DNAH7: variants seen among roughly 807,000 people sequenced by gnomAD.
DNAH7 encodes the protein dynein axonemal heavy chain 7.
A neutral mutation model predicts 444.6 loss-of-function variants in DNAH7; 397 were observed. The ratio of observed to expected loss-of-function variants is 0.89; its 90% CI spans 0.82 to 0.97. DNAH7 has a LOEUF of 0.97. Among genes scored for constraint, DNAH7 ranks in the 50% least tolerant of loss-of-function variants. The pLI is 0.00. For missense variants in DNAH7, 4,902 were observed against 4,800.8 expected (o/e 1.02, Z -0.62); for synonymous variants, 1,636 against 1,624.4 (o/e 1.01, Z -0.17).
chr2:195,824,149 C>T, intron 49 of DNAH7, 106 bp downstream of exon 49: 1 of 1,088,220 alleles, frequency 9.2e-7, no homozygotes, highest in South Asian at 2.3e-5. Flanking sequence ...CAAAATAAGG[C>T]AAAATCCGTT....
intron 21 of DNAH7, among the ~76,000 whole-genome samples, chr2:195,931,964 T>G (rs1328996440): frequency 1.3e-5 from 2 of 152,196 alleles, no homozygotes; most frequent in East Asian, 1.9e-4. Context: ...GTGAAGAAAG[T>G]CATTGGTACT....
At chr2:195,770,926 A>G (rs1694806426) in intron 61 of DNAH7, among the ~76,000 whole-genome samples, 1 of 151,412 alleles carries the variant, frequency 6.6e-6, no homozygotes. Flanking sequence ...AAGTTCTCAA[A>G]CTCAAGCAGT....
At position 195,876,629 on chromosome 2, in the gene DNAH7, G is replaced by A. The variant is rs754475307; in HGVS notation, c.6032C>T (p.Thr2011Ile). 6.2e-7 allele frequency: 1 copy of A among 1,613,134 alleles called. No homozygotes were observed. The highest frequency in any genetic ancestry group is 8.5e-7 in the Non-Finnish European group (1 of 1,179,248). ...PLLINFSAQT[T>I]AAQTQNIVMS... ...GACAATATTCTGAGTTTGAGCTGCT[G>A]TAGTTTGTGCTGAGAAGTTAATTAG... is the stretch of plus-strand genomic sequence containing the variant. The change falls in exon 37 of 65, where the codon ACA (threonine) becomes ATA (isoleucine). Residue 2011 changes from threonine to isoleucine, a missense_variant. Transcript: ENST00000312428.
rs1460367041 is a variant in DNAH7 at position 195,740,607 on chromosome 2, GTGTGTGTGTATATATATA to G, written c.11868+141_11868+158del. Among the ~76,000 whole-genome samples the G allele has an allele frequency of 6.0e-4, 33 of 55,084 alleles. 1 individual carries two copies. Among genetic ancestry groups the G allele is most frequent in the East Asian group, 4.9e-3 (16 of 3,240 alleles). 36.1% of individuals were successfully genotyped at this position (55,084 alleles called of 152,430 possible). A position where few individuals can be genotyped will look rare whatever the true frequency, so the allele number is the denominator to read the frequency against. The stretch of plus-strand genomic sequence containing the variant: ...TATATGTGTGTGTGTGTGTGTGTGT[GTGTGTGTGTATATATATA>G]TATATATATATATATATATACATAT... On this transcript the variant is annotated intron_variant, in intron 64 of 64. Coordinates refer to ENST00000312428, the MANE Select transcript of DNAH7 (RefSeq NM_018897.3).
intron 21 of DNAH7, among the ~76,000 whole-genome samples, chr2:195,929,904 G>C (rs1281905815): frequency 3.9e-5 from 6 of 152,208 alleles, no homozygotes; most frequent in African/African-American, 1.4e-4. Context: ...CTTTGGCACA[G>C]CAAAAGAAAC....
At chr2:195,883,087 C>T (rs1701496612) in intron 35 of DNAH7, among the ~76,000 whole-genome samples, 1 of 152,088 alleles carries the variant, frequency 6.6e-6, no homozygotes, top group Admixed American at 6.6e-5. Flanking sequence ...TAATGCCTTT[C>T]CCAAATTCTT....
intron 10 of DNAH7, among the ~76,000 whole-genome samples, chr2:196,009,374 A>G (rs1191167341): frequency 6.6e-6 from 1 of 152,222 alleles, no homozygotes; most frequent in East Asian, 1.9e-4. Context: ...AAAAAAGAAT[A>G]GCAATACATT....
At position 196,051,256 on chromosome 2, in the gene DNAH7, G is replaced by A. The variant is rs1259461720; in HGVS notation, c.79-7C>T. On this transcript the variant is annotated splice_region_variant and splice_polypyrimidine_tract_variant and intron_variant, in intron 2 of 64. Transcript: ENST00000312428. Reference sequence around the variant, plus strand: ...CTTTGCTGGCTAATTTCTCCTGTGTGAAAAATATGAAGGGGAAAAAAGTGT... The same window carrying A: ...CTTTGCTGGCTAATTTCTCCTGTGTAAAAAATATGAAGGGGAAAAAAGTGT... The A allele has an allele frequency of 6.2e-6, 10 of 1,612,698 alleles. No individual in the cohort carries two copies. In the African/African-American group the frequency reaches 1.2e-4, roughly 19 times the overall value.
intron 19 of DNAH7, among the ~76,000 whole-genome samples, chr2:195,949,532 C>T (rs1559260997): frequency 6.6e-6 from 1 of 151,992 alleles, no homozygotes; most frequent in Non-Finnish European, 1.5e-5. Context: ...GATCCACCTG[C>T]TTCAGCCTCC....
At chr2:195,758,314 T>C (rs1430798309) in intron 61 of DNAH7, among the ~76,000 whole-genome samples, 1 of 152,210 alleles carries the variant, frequency 6.6e-6, no homozygotes, top group Non-Finnish European at 1.5e-5. Flanking sequence ...ATGTAAAGTT[T>C]TTCACTTATG....
chr2:195,914,868 G>A (rs1215180313), intron 24 of DNAH7, among the ~76,000 whole-genome samples: 1 of 152,126 alleles, frequency 6.6e-6, no homozygotes, highest in Non-Finnish European at 1.5e-5. Context: ...CACCATGTTG[G>A]CTAGGCTGGT....
chr2:195,769,584 T>A (rs1694742138), intron 61 of DNAH7, among the ~76,000 whole-genome samples: 1 of 152,114 alleles, frequency 6.6e-6, no homozygotes, highest in African/African-American at 2.4e-5. Flanking sequence ...TTCCCTATGA[T>A]GCATCAGCCC....
intron 48 of DNAH7, among the ~76,000 whole-genome samples, chr2:195,828,990 A>C (rs1481760967): frequency 6.6e-6 from 1 of 152,166 alleles, no homozygotes; most frequent in Non-Finnish European, 1.5e-5. Flanking sequence ...TTTATTTCTG[A>C]AAGTTTACAT....
chr2:195,796,598 G>T lies in DNAH7; in HGVS notation c.10493C>A (p.Pro3498Gln). 6.2e-7 allele frequency: 1 copy of T among 1,614,080 alleles called. No homozygotes were observed. The highest frequency in any genetic ancestry group is 2.2e-5 in the East Asian group (1 of 44,852). ...TACCTCACAGACTTTCTCAAGGGTT[G>T]GCATCCAAGAGGTGGCAAGGTGACA... ...QNCHLATSWM[P>Q]TLEKVCEELS... Residue 3498 changes from proline to glutamine, a missense_variant, in exon 56 of 65, where the codon CCA becomes CAA. By Grantham distance (76) the Pro-to-Gln change is moderately conservative. Transcript: ENST00000312428.
At chr2:195,775,489 T>G (rs1347826410) in intron 60 of DNAH7, among the ~76,000 whole-genome samples, 1 of 152,178 alleles carries the variant, frequency 6.6e-6, no homozygotes, top group Non-Finnish European at 1.5e-5. Flanking sequence ...CTCATCAAAC[T>G]GCTTCCCAAG....
chr2:196,047,273 G>A (rs1697191735), intron 5 of DNAH7, 79 bp downstream of exon 5: 1 of 1,305,158 alleles, frequency 7.7e-7, no homozygotes, highest in Non-Finnish European at 1.0e-6. Flanking sequence ...GAGATGCACA[G>A]AATTCTAATA....
At chr2:195,899,208 CTGT>C (rs145047461) in intron 28 of DNAH7, among the ~76,000 whole-genome samples, 2,570 of 152,270 alleles carry the variant, frequency 0.017, 65 homozygotes, top group African/African-American at 0.058. Context: ...CTTTGAGAGG[CTGT>C]TATTTTAAAG....
chr2:195,846,149 AAAC>A (rs1342412167), intron 46 of DNAH7, among the ~76,000 whole-genome samples: 1 of 152,250 alleles, frequency 6.6e-6, no homozygotes, highest in African/African-American at 2.4e-5. Context: ...TAAGGAACGT[AAAC>A]AAATTAACAA....
rs1413610035 is a variant in DNAH7 at position 196,062,880 on chromosome 2, GT to G, written c.16-4765del. 5.3e-5 allele frequency among the ~76,000 whole-genome samples: 8 copies of G among 152,174 alleles called. 1 individual carries two copies. In the South Asian group the frequency reaches 1.7e-3, roughly 32 times the overall value. On this transcript the variant is annotated intron_variant, in intron 1 of 64. Transcript: ENST00000312428. ...TTGCTGTTAATGGCAGCATGGTTTT[GT>G]TTTTGTTTTTTGTTTGTTTGACACA...
Sources: allele counts gnomAD v4.1 joint callset (sites outside exome capture counted in the v4.1 genomes callset), GRCh38; gene constraint gnomAD v4.1.1; transcripts MANE v1.5; gene names NCBI Gene and HGNC (gene_info 2026-07-23, HGNC 2026-07-21).